The following OLA1 variants were observed in gnomAD, a reference collection of about 807,000 sequenced individuals.
OLA1 encodes the protein Obg like ATPase 1.
Under a neutral mutation model 48.4 loss-of-function variants are expected in OLA1, and 14 were observed. That is an observed-to-expected ratio of 0.29 (90% CI 0.19 to 0.45). OLA1 has a LOEUF of 0.45. Ranked by LOEUF, OLA1 falls within the 20% of genes least tolerant of loss-of-function variation. The pLI is 1.00. For missense variants in OLA1, 325 were observed against 467.1 expected (o/e 0.70, Z 2.80); for synonymous variants, 127 against 150.4 (o/e 0.84, Z 1.14).
intron 4 of OLA1, among the ~76,000 whole-genome samples, chr2:174,187,720 C>T (rs1002217716): frequency 4.6e-5 from 7 of 152,116 alleles, no homozygotes; most frequent in African/African-American, 7.2e-5. Flanking sequence ...CTTAGATCAA[C>T]GAAGAGTAAA....
chr2:174,123,377 G>A, intron 6 of OLA1, 100 bp from the exon 7 acceptor site: 2 of 620,588 alleles, frequency 3.2e-6, no homozygotes, highest in African/African-American at 1.9e-5. Flanking sequence ...AAACAAGTAG[G>A]CATTTTCATT....
At chr2:174,169,950 C>G (rs1687256713) in intron 4 of OLA1, among the ~76,000 whole-genome samples, 1 of 151,980 alleles carries the variant, frequency 6.6e-6, no homozygotes, top group Non-Finnish European at 1.5e-5. Context: ...GTATTACATA[C>G]AACTATGGCA....
At chr2:174,106,453 T>C (rs765133918) in intron 7 of OLA1, among the ~76,000 whole-genome samples, 31 of 152,086 alleles carry the variant, frequency 2.0e-4, no homozygotes, top group Non-Finnish European at 4.1e-4. Context: ...TGCATGCAAA[T>C]AGATAAATGA....
intron 5 of OLA1, among the ~76,000 whole-genome samples, chr2:174,126,755 T>C (rs2105370031): frequency 6.6e-6 from 1 of 152,300 alleles, no homozygotes; most frequent in Non-Finnish European, 1.5e-5. Context: ...ATGTGAGTAG[T>C]TGCCATTGTT....
At chr2:174,185,743 C>A (rs1272546909) in intron 4 of OLA1, among the ~76,000 whole-genome samples, 2 of 152,148 alleles carry the variant, frequency 1.3e-5, no homozygotes, top group South Asian at 2.1e-4. Context: ...GCCTGGCCAA[C>A]ATGGCAAAAC....
In OLA1 at chr2:174,203,831, G is replaced by A. The variant is rs957202009; in HGVS notation, c.373+19202C>T. Among the ~76,000 whole-genome samples the A allele has an allele frequency of 2.7e-5, 4 of 145,978 alleles. No homozygotes were observed. In the South Asian group the frequency reaches 6.5e-4, roughly 24 times the overall value. ...TTTTTTTTTGACAGAGTCTCACTCC[G>A]TCGCCCAGGCTGGAGTGCAACAGCA... is the stretch of plus-strand genomic sequence containing the variant. On this transcript the variant is annotated intron_variant, in intron 4 of 10. Transcript: ENST00000284719.
Position 174,082,022 on chromosome 2 carries a change from A to C in OLA1, c.771T>G (p.Gly257=). 6.2e-7 allele frequency: 1 copy of C among 1,613,420 alleles called. No individual in the cohort carries two copies. Residue 257 remains glycine, a synonymous_variant, in exon 8 of 11, where the codon GGT becomes GGG. Transcript: ENST00000284719. ...IKEWVDKYDP[G]ALVIPFSGAL... ...CCCCACTAAAAGGAATGACCAAAGC[A>C]CCTGGGTCATACTTGTCCACCCACT...
At chr2:174,098,726 GA>G (rs548774906) in intron 7 of OLA1, among the ~76,000 whole-genome samples, 165 of 152,254 alleles carry the variant, frequency 1.1e-3, no homozygotes, top group African/African-American at 3.0e-3. Context: ...GGGTTATGAT[GA>G]AGATTAAATA....
At chr2:174,083,122 AC>A (rs1451824611) in intron 7 of OLA1, among the ~76,000 whole-genome samples, 1 of 152,160 alleles carries the variant, frequency 6.6e-6, no homozygotes, top group Non-Finnish European at 1.5e-5. Flanking sequence ...GTGAGACTAT[AC>A]ATTCCATTAA....
chr2:174,169,422 C>A (rs1195370106), intron 4 of OLA1, among the ~76,000 whole-genome samples: 8 of 152,046 alleles, frequency 5.3e-5, no homozygotes, highest in Non-Finnish European at 1.5e-5. Context: ...AGGTAAAGAG[C>A]AATTCTTGAA....
rs532210574 is a variant in OLA1 at position 174,225,054 on chromosome 2, C to T, written c.246-1894G>A. ...GTGATGCGTAATGGTGGAGGTGGGGCCTGGTGGGAGGCGTTTGGGTCACGG... is the reference window on the plus strand; with the variant it reads ...GTGATGCGTAATGGTGGAGGTGGGGTCTGGTGGGAGGCGTTTGGGTCACGG... On this transcript the variant is annotated intron_variant, in intron 3 of 10. Transcript: ENST00000284719. Among the ~76,000 whole-genome samples, 13 of 152,180 alleles carry T rather than the reference C, an allele frequency of 8.5e-5. No homozygotes were observed. In the South Asian group the frequency reaches 2.7e-3, roughly 32 times the overall value.
At chr2:174,178,641 A>T (rs1288447750) in intron 4 of OLA1, among the ~76,000 whole-genome samples, 4 of 151,990 alleles carry the variant, frequency 2.6e-5, no homozygotes, top group Non-Finnish European at 4.4e-5. Flanking sequence ...AACAAAGTAC[A>T]TTTCAAATCA....
At chr2:174,187,030 C>A (rs571907033) in intron 4 of OLA1, among the ~76,000 whole-genome samples, 2 of 152,144 alleles carry the variant, frequency 1.3e-5, no homozygotes, top group Non-Finnish European at 2.9e-5. Context: ...TCACAGTGAA[C>A]ACATGCCATT....
chr2:174,224,889 A>T (rs1347692162), intron 3 of OLA1, among the ~76,000 whole-genome samples: 6 of 152,198 alleles, frequency 3.9e-5, no homozygotes, highest in Admixed American at 2.0e-4. Flanking sequence ...TAACTCAATA[A>T]ATCAGCTCTT....
chr2:174,236,344 T>G lies in OLA1; in HGVS notation c.102-6893A>C, dbSNP rs759958834. Among the ~76,000 whole-genome samples, 131 of 151,810 alleles carry G rather than the reference T, an allele frequency of 8.6e-4. 1 individual carries two copies. The highest frequency in any genetic ancestry group is 5.0e-4 in the Non-Finnish European group (34 of 67,934). On this transcript the variant is annotated intron_variant, in intron 2 of 10. Transcript: ENST00000284719. ...GAGGAAGAAAATGAAACACATAATA[T>G]CCAAATAAAATTATTGTTAAAAAGA...
chr2:174,144,951 AATATATATATATATATAT>A (rs71021672), intron 4 of OLA1, among the ~76,000 whole-genome samples: 9 of 40,296 alleles, frequency 2.2e-4, no homozygotes, highest in Admixed American at 4.5e-4. Context: ...AAAAAAAAAA[AATATATATATATATATAT>A]ATATATATAT....
In OLA1 at chr2:174,123,256, A is replaced by T; in HGVS notation, c.652T>A (p.Leu218Ile). The T allele has an allele frequency of 6.4e-7, 1 of 1,553,172 alleles. No homozygotes were observed. Among genetic ancestry groups the T allele is most frequent in the Non-Finnish European group, 8.8e-7 (1 of 1,134,174 alleles). ...DKEIEVLNKH[L>I]FLTSKPMVYL... ...ACCATTGGTTTTGAAGTCAAAAATA[A>T]GTGTTTATTCAACACTTCAATCTAA... Residue 218 changes from leucine (L) to isoleucine (I), a missense_variant, in exon 7 of 11, where the codon TTA becomes ATA. Physicochemically the swap from Leu to Ile is conservative, Grantham distance 5. Transcript: ENST00000284719.
At chr2:174,112,400 A>G (rs1685674427) in intron 7 of OLA1, among the ~76,000 whole-genome samples, 1 of 152,218 alleles carries the variant, frequency 6.6e-6, no homozygotes, top group African/African-American at 2.4e-5. Flanking sequence ...TATAACTGGC[A>G]TAAGGTCAAG....
At chr2:174,087,007 C>T (rs1319472293) in intron 7 of OLA1, among the ~76,000 whole-genome samples, 1 of 151,586 alleles carries the variant, frequency 6.6e-6, no homozygotes, top group Non-Finnish European at 1.5e-5. Context: ...CTTTCAAGTC[C>T]TATTGTATAT....
Sources: gnomAD v4.1 joint callset for allele counts (sites outside exome capture counted in the v4.1 genomes callset) on GRCh38, gnomAD v4.1.1 for gene constraint, MANE v1.5 for transcripts, NCBI Gene and HGNC (gene_info 2026-07-23, HGNC 2026-07-21) for gene names.